PEPD: variants seen among roughly 807,000 people sequenced by gnomAD.
PEPD encodes the protein peptidase D.
PEPD carries 53 observed loss-of-function variants against 60.7 expected under a neutral mutation model. The observed-to-expected ratio is 0.87, with a 90% confidence interval of 0.70 to 1.10. PEPD has a LOEUF of 1.10. Among genes scored for constraint, PEPD ranks in the 50% least tolerant of loss-of-function variants. The pLI is 0.00. For missense variants in PEPD, 711 were observed against 711.9 expected (o/e 1.00, Z 0.01); for synonymous variants, 267 against 284.1 (o/e 0.94, Z 0.60).
At chr19:33,402,121 C>T (rs148601094) in intron 11 of PEPD, among the ~76,000 whole-genome samples, 175 of 152,346 alleles carry the variant, frequency 1.1e-3, no homozygotes, top group Non-Finnish European at 1.9e-3. Flanking sequence ...TCAGCCCAGG[C>T]AGGGAAGGCT....
At chr19:33,520,684 T>C (rs1971114633) in intron 1 of PEPD, among the ~76,000 whole-genome samples, 2 of 152,178 alleles carry the variant, frequency 1.3e-5, no homozygotes, top group African/African-American at 4.8e-5. Context: ...CCATTTTCCC[T>C]GTATCTTAAA....
intron 9 of PEPD, among the ~76,000 whole-genome samples, chr19:33,426,966 C>T (rs1348426580): frequency 6.6e-5 from 10 of 152,196 alleles, no homozygotes; most frequent in Admixed American, 5.9e-4. Flanking sequence ...GCCCCTCCAC[C>T]GCGTGCGGCT....
At position 33,401,774 on chromosome 19, in the gene PEPD, A is replaced by T; in HGVS notation, c.914T>A (p.Val305Asp). The stretch of plus-strand genomic sequence containing the variant: ...GGAGCTCCGCAGCACTGCCTCATAG[A>T]CGGCCTTCTGGTCTGCAGTGAACTT... ...NGKFTADQKAVYEAVLRSSRA... is the reference protein window; with the variant it reads ...NGKFTADQKADYEAVLRSSRA... The change falls in exon 12 of 15, where the codon GTC becomes GAC. Residue 305 changes from valine (V) to aspartate (D), a missense_variant. Transcript: ENST00000244137. The T allele has an allele frequency of 6.2e-7, 1 of 1,611,868 alleles. No individual in the cohort carries two copies. Among genetic ancestry groups the T allele is most frequent in the Non-Finnish European group, 8.5e-7 (1 of 1,179,312 alleles).
chr19:33,430,446 G>T (rs899017642), intron 9 of PEPD, among the ~76,000 whole-genome samples: 2 of 152,092 alleles, frequency 1.3e-5, no homozygotes, highest in African/African-American at 2.4e-5. Flanking sequence ...CCAGTTCACT[G>T]CCAGGAAGAG....
chr19:33,396,013 G>C (rs901084516), intron 12 of PEPD: 1 of 152,418 alleles, frequency 6.6e-6, no homozygotes, highest in Non-Finnish European at 1.5e-5. Context: ...GTTGGCCCAG[G>C]CTGCTCCTCG....
chr19:33,419,268 C>T (rs1284096349), intron 9 of PEPD, among the ~76,000 whole-genome samples: 1 of 152,212 alleles, frequency 6.6e-6, no homozygotes, highest in Non-Finnish European at 1.5e-5. Context: ...CCTGACTACT[C>T]AGCTCCTGCC....
At chr19:33,473,145 A>G (rs1203963392) in intron 7 of PEPD, among the ~76,000 whole-genome samples, 1 of 152,076 alleles carries the variant, frequency 6.6e-6, no homozygotes, top group African/African-American at 2.4e-5. Flanking sequence ...TGATGCTCCC[A>G]CATCCATCTC....
At chr19:33,411,306 G>A (rs1442651868) in intron 11 of PEPD, among the ~76,000 whole-genome samples, 1 of 152,178 alleles carries the variant, frequency 6.6e-6, no homozygotes, top group Non-Finnish European at 1.5e-5. Context: ...CTGCCCTCCT[G>A]GCACCAAGAC....
chr19:33,499,304 A>C (rs1278993240), intron 4 of PEPD, among the ~76,000 whole-genome samples: 1 of 152,156 alleles, frequency 6.6e-6, no homozygotes, highest in Non-Finnish European at 1.5e-5. Flanking sequence ...CAGGCAGAAG[A>C]TGCTGTAGAG....
At chr19:33,512,893 C>A (rs1455300609) in intron 1 of PEPD, 117 bp from the exon 2 acceptor site, 1 of 1,117,000 alleles carries the variant, frequency 9.0e-7, no homozygotes, top group Non-Finnish European at 1.4e-6. Flanking sequence ...CCCATCAGCA[C>A]GGGGCAAGCT....
intron 1 of PEPD, among the ~76,000 whole-genome samples, chr19:33,520,388 G>T (rs1016153191): frequency 1.2e-4 from 18 of 152,206 alleles, no homozygotes; most frequent in African/African-American, 4.3e-4. Flanking sequence ...TACCTGAAGG[G>T]AGTCTCATTG....
intron 13 of PEPD, 94 bp downstream of exon 13, chr19:33,391,201 C>T (rs776608896): frequency 2.8e-5 from 28 of 1,010,354 alleles, no homozygotes; most frequent in Admixed American, 1.6e-4. Flanking sequence ...TCCCAATACA[C>T]GCCTGCTGCC....
At chr19:33,513,649 A>G (rs771064919) in intron 1 of PEPD, among the ~76,000 whole-genome samples, 6 of 152,020 alleles carry the variant, frequency 3.9e-5, no homozygotes, top group Admixed American at 3.3e-4. Context: ...CAAAATGCCA[A>G]TCCCAGCACA....
intron 9 of PEPD, among the ~76,000 whole-genome samples, chr19:33,431,392 A>G (rs1379847012): frequency 1.3e-5 from 2 of 152,216 alleles, no homozygotes; most frequent in Non-Finnish European, 2.9e-5. Context: ...CTGGGGGCCC[A>G]TCTTCATCAT....
intron 9 of PEPD, among the ~76,000 whole-genome samples, chr19:33,438,769 G>C (rs1291193004): frequency 3.3e-5 from 5 of 152,230 alleles, no homozygotes; most frequent in Non-Finnish European, 7.3e-5. Context: ...AGGCTGGAGT[G>C]CAGTGGCACG....
At chr19:33,494,032 C>T (rs1300145318) in intron 4 of PEPD, among the ~76,000 whole-genome samples, 1 of 152,242 alleles carries the variant, frequency 6.6e-6, no homozygotes, top group Non-Finnish European at 1.5e-5. Flanking sequence ...AAGCCCCAGC[C>T]CCCTGGGCAG....
At chr19:33,505,787 CACCCACAT>C (rs1970789443) in intron 3 of PEPD, among the ~76,000 whole-genome samples, 2 of 148,050 alleles carry the variant, frequency 1.4e-5, no homozygotes, top group Non-Finnish European at 1.5e-5. Context: ...CACACCCACA[CACCCACAT>C]ACACCCTCAT....
Position 33,422,011 on chromosome 19 carries a change from A to G in PEPD, c.672-8368T>C, listed in dbSNP as rs567672358. 1.3e-4 allele frequency among the ~76,000 whole-genome samples: 20 copies of G among 152,140 alleles called. No individual in the cohort carries two copies. In the South Asian group the frequency reaches 4.1e-3, roughly 32 times the overall value. ...CACAAACGGATCCTTCCACAACTTA[A>G]GTAGAATCACAGGACTCCTCTGCTC... On this transcript the variant is annotated intron_variant, in intron 9 of 14. Transcript: ENST00000244137.
At chr19:33,513,351 G>C (rs1355571158) in intron 1 of PEPD, among the ~76,000 whole-genome samples, 2 of 152,048 alleles carry the variant, frequency 1.3e-5, no homozygotes, top group Non-Finnish European at 2.9e-5. Context: ...CAGACTCACA[G>C]ACCCATCAGC....
Sources: gnomAD v4.1 joint callset for allele counts (sites outside exome capture counted in the v4.1 genomes callset) on GRCh38, gnomAD v4.1.1 for gene constraint, MANE v1.5 for transcripts, NCBI Gene and HGNC (gene_info 2026-07-23, HGNC 2026-07-21) for gene names.